Variants in SLC25A4 observed in about 807,000 individuals in gnomAD.
The protein encoded by SLC25A4 is ADP/ATP translocase 1.
Under a neutral mutation model 24.7 loss-of-function variants are expected in SLC25A4, and 10 were observed. The ratio of observed to expected loss-of-function variants is 0.41; its 90% confidence interval spans 0.25 to 0.69. The LOEUF (loss-of-function observed/expected upper bound fraction) is 0.69, where lower values mean the gene tolerates loss of function less well. Among genes scored for constraint, SLC25A4 ranks in the 30% least tolerant of loss-of-function variants. The pLI, the probability that SLC25A4 is intolerant of heterozygous loss-of-function variation, is 0.35. For synonymous variants in SLC25A4, 125 were observed against 153.3 expected (o/e 0.82, Z 1.36); for missense variants, 273 against 387.6 (o/e 0.70, Z 2.48).
At chr4:185,143,595 A>G (rs1471118346) in intron 1 of SLC25A4, 112 bp downstream of exon 1, 2 of 220,970 alleles carry the variant, frequency 9.1e-6, no homozygotes, top group Non-Finnish European at 1.5e-5. Flanking sequence ...GCGCCAGGCC[A>G]CAGGCCCGGG....
At position 185,145,419 on chromosome 4, in the gene SLC25A4, C is replaced by T. The variant is rs994476979; in HGVS notation, c.598+169C>T. 4 of 987,812 alleles carry T rather than the reference C, an allele frequency of 4.0e-6. No homozygotes were observed. The African/African-American group carries it at 6.5e-5, about 16-fold the overall frequency. 61.2% of individuals were successfully genotyped at this position (987,812 alleles called of 1,614,324 possible). ...TGCATAAGTTAATAGCTGAAGCGTT[C>T]CTTGTGTCCTCTACTGAAATAAACT... On this transcript the variant is annotated intron_variant, in intron 2 of 3. Transcript: ENST00000281456. This position sits in a 1 kb window ranked among gnomAD's most constrained non-coding sequence, Gnocchi z 5.5.
At position 185,147,117 on chromosome 4, in the gene SLC25A4, C is replaced by A; in HGVS notation, c.*146C>A. On this transcript the variant is annotated 3_prime_UTR_variant, in exon 4 of 4. Transcript: ENST00000281456. ...TGAAAGGAATACCTCAGAAGAGATG[C>A]TTCATTGAGTGTTCATTAAACCACA... is the stretch of plus-strand genomic sequence containing the variant. 1.5e-6 allele frequency: 1 copy of A among 660,702 alleles called. No individual in the cohort carries two copies. The highest frequency in any genetic ancestry group is 2.6e-6 in the Non-Finnish European group (1 of 383,492). The allele number at this position is 660,702 out of a possible 1,614,324, so 40.9% of individuals were successfully genotyped here.
rs1055343451 is a variant in SLC25A4, at chr4:185,150,119, G to A, written c.*3148G>A. On this transcript the variant is annotated 3_prime_UTR_variant, in exon 4 of 4. Transcript: ENST00000281456. ...CAAGGCGAGCTTATCTTCCACACCT[G>A]GTACAGTGCCCAGGACAGAGAAGGT... 1 of 152,272 alleles carries A rather than the reference G, an allele frequency of 6.6e-6. No individual in the cohort carries two copies. The highest frequency in any genetic ancestry group is 1.5e-5 in the Non-Finnish European group (1 of 68,064). 9.4% of individuals were successfully genotyped at this position (152,272 alleles called of 1,614,324 possible).
chr4:185,144,633 T>A (rs1267268977), intron 1 of SLC25A4, 131 bp from the exon 2 acceptor site: 1 of 801,402 alleles, frequency 1.2e-6, no homozygotes, highest in East Asian at 2.6e-5. Context: ...GTCCTCAGTA[T>A]CCATTTGATT....
rs1164589925 is a variant in SLC25A4, at chr4:185,148,921, C to A, written c.*1950C>A. 1 of 152,306 alleles carries A rather than the reference C, an allele frequency of 6.6e-6. No individual in the cohort carries two copies. The highest frequency in any genetic ancestry group is 2.4e-5 in the African/African-American group (1 of 41,446). The allele number at this position is 152,306 out of a possible 1,614,324, so 9.4% of individuals were successfully genotyped here. Reference sequence around the variant, plus strand: ...TTACCTTGCTTACCAAGCCCTTCCACCGACTCACTCCTGCCTCCCCAGCTA... The same window carrying A: ...TTACCTTGCTTACCAAGCCCTTCCAACGACTCACTCCTGCCTCCCCAGCTA... On this transcript the variant is annotated 3_prime_UTR_variant, in exon 4 of 4. Transcript: ENST00000281456.
At chr4:185,146,096 AGAT>A (rs1033004505) in intron 3 of SLC25A4, among the ~76,000 whole-genome samples, 197 bp downstream of exon 3, 1 of 152,196 alleles carries the variant, frequency 6.6e-6, no homozygotes, top group African/African-American at 2.4e-5. Flanking sequence ...ATTTTATTAG[AGAT>A]GATAAGAACA....
Position 185,143,492 on chromosome 4 carries a change from C to G in SLC25A4, c.111+9C>G, listed in dbSNP as rs1734381553. The stretch of plus-strand genomic sequence containing the variant: ...TCAAACTGCTGCTGCAGGTGAGGAC[C>G]GCGCGGTGCAAGAGGCGGGCGCGGG... On this transcript the variant is annotated intron_variant, in intron 1 of 3. Transcript: ENST00000281456. 7.2e-7 allele frequency: 1 copy of G among 1,387,938 alleles called. No individual in the cohort carries two copies. 86.0% of individuals were successfully genotyped at this position (1,387,938 alleles called of 1,614,324 possible).
At position 185,149,942 on chromosome 4, in the gene SLC25A4, A is replaced by G. The variant is rs139929345; in HGVS notation, c.*2971A>G. The G allele has an allele frequency of 3.3e-5, 5 of 152,362 alleles. No homozygotes were observed. Among genetic ancestry groups the G allele is most frequent in the African/African-American group, 9.6e-5 (4 of 41,574 alleles). 9.4% of individuals were successfully genotyped at this position (152,362 alleles called of 1,614,324 possible). A position where few individuals can be genotyped will look rare whatever the true frequency, so the allele number is the denominator to read the frequency against. On this transcript the variant is annotated 3_prime_UTR_variant, in exon 4 of 4. Transcript: ENST00000281456. Reference sequence around the variant, plus strand: ...AATAATTGGACACTAAAAACAATGAAAACTTGTCTCAAGTATTTGTGTTGA... The same window carrying G: ...AATAATTGGACACTAAAAACAATGAGAACTTGTCTCAAGTATTTGTGTTGA...
Position 185,147,179 on chromosome 4 carries a change from C to A in SLC25A4, c.*208C>A. Reference sequence around the variant, plus strand: ...TATTTATTTTACATTTAAATTCCCACAGCAAATAGAAAATAATTTATCATA... The same window carrying A: ...TATTTATTTTACATTTAAATTCCCAAAGCAAATAGAAAATAATTTATCATA... On this transcript the variant is annotated 3_prime_UTR_variant, in exon 4 of 4. Coordinates refer to ENST00000281456, the MANE Select transcript of SLC25A4 (RefSeq NM_001151.4). The A allele has an allele frequency of 1.9e-6, 1 of 536,264 alleles. No individual in the cohort carries two copies. The highest frequency in any genetic ancestry group is 3.3e-6 in the Non-Finnish European group (1 of 302,558). The allele number at this position is 536,264 out of a possible 1,614,324, so 33.2% of individuals were successfully genotyped here. A position where few individuals can be genotyped will look rare whatever the true frequency, so the allele number is the denominator to read the frequency against.
chr4:185,143,588 C>T (rs1405507555), intron 1 of SLC25A4, 105 bp downstream of exon 1: 1 of 258,350 alleles, frequency 3.9e-6, no homozygotes, highest in African/African-American at 2.3e-5. Flanking sequence ...AAAATCTGCG[C>T]CAGGCCACAG....
In SLC25A4 at chr4:185,149,967, A is replaced by C. The variant is rs2111290661; in HGVS notation, c.*2996A>C. 1 of 152,394 alleles carries C rather than the reference A, an allele frequency of 6.6e-6. No individual in the cohort carries two copies. The highest frequency in any genetic ancestry group is 2.1e-4 in the South Asian group (1 of 4,830). The allele number at this position is 152,394 out of a possible 1,614,324, so 9.4% of individuals were successfully genotyped here. On this transcript the variant is annotated 3_prime_UTR_variant, in exon 4 of 4. Transcript: ENST00000281456. ...AAACTTGTCTCAAGTATTTGTGTTG[A>C]AATCTCAATTAACTGGGCGACTGCT... is the stretch of plus-strand genomic sequence containing the variant.
In SLC25A4 at chr4:185,145,033, C is replaced by T; in HGVS notation, c.381C>T (p.Ser127=). ...LASGGAAGAT[S]LCFVYPLDFA... ...CCGGTGGGGCCGCTGGGGCCACCTC[C>T]CTTTGCTTTGTCTACCCGCTGGACT... Residue 127 remains serine, a synonymous_variant, in exon 2 of 4, where the codon TCC becomes TCT. Coordinates refer to ENST00000281456, the MANE Select transcript of SLC25A4 (RefSeq NM_001151.4). This position sits in a 1 kb window ranked among gnomAD's most constrained non-coding sequence, Gnocchi z 5.5. The T allele has an allele frequency of 6.2e-7, 1 of 1,614,146 alleles. No homozygotes were observed. Among genetic ancestry groups the T allele is most frequent in the Non-Finnish European group, 8.5e-7 (1 of 1,180,028 alleles).
At chr4:185,146,026 A>T (rs1734436318) in intron 3 of SLC25A4, 127 bp downstream of exon 3, 1 of 1,146,664 alleles carries the variant, frequency 8.7e-7, no homozygotes, top group Non-Finnish European at 1.3e-6. Context: ...CTTAGGGAAG[A>T]AAGATGGTAT....
In SLC25A4 at chr4:185,143,303, C is replaced by T. The variant is rs2111283737; in HGVS notation, c.-70C>T. On this transcript the variant is annotated 5_prime_UTR_variant, in exon 1 of 4. Coordinates refer to ENST00000281456, the MANE Select transcript of SLC25A4 (RefSeq NM_001151.4). ...TCGCGCAGGGTCGGGGACTGCGCGG[C>T]GGTGCCAGGCCGGGCGTGGGCGAGA... 3 of 889,168 alleles carry T rather than the reference C, an allele frequency of 3.4e-6. No homozygotes were observed. The highest frequency in any genetic ancestry group is 2.2e-5 in the Admixed American group (1 of 45,266). The allele number at this position is 889,168 out of a possible 1,614,324, so 55.1% of individuals were successfully genotyped here.
At position 185,148,343 on chromosome 4, in the gene SLC25A4, A is replaced by T. The variant is rs957541708; in HGVS notation, c.*1372A>T. On this transcript the variant is annotated 3_prime_UTR_variant, in exon 4 of 4. Transcript: ENST00000281456. ...TTCAACAGATGAATTTTGAAGGGAC[A>T]CAAACATTCAGTCCATAGCATCACT... The T allele has an allele frequency of 1.3e-5, 2 of 152,206 alleles. No individual in the cohort carries two copies. The highest frequency in any genetic ancestry group is 4.8e-5 in the African/African-American group (2 of 41,454). The allele number at this position is 152,206 out of a possible 1,614,324, so 9.4% of individuals were successfully genotyped here.
rs1299078837 is a variant in SLC25A4, at chr4:185,145,311, T to A, written c.598+61T>A. The A allele has an allele frequency of 6.2e-7, 1 of 1,609,992 alleles. No individual in the cohort carries two copies. Among genetic ancestry groups the A allele is most frequent in the South Asian group, 1.1e-5 (1 of 90,728 alleles). Reference sequence around the variant, plus strand: ...TGGAAAGAGGATCCTATGGGATCTATAACTCACAAAGGACCTGATATATAT... The same window carrying A: ...TGGAAAGAGGATCCTATGGGATCTAAAACTCACAAAGGACCTGATATATAT... On this transcript the variant is annotated intron_variant, in intron 2 of 3. Coordinates refer to ENST00000281456, the MANE Select transcript of SLC25A4 (RefSeq NM_001151.4). The surrounding 1 kb of genome is among the most constrained non-coding windows in gnomAD (Gnocchi z 5.5).
intron 1 of SLC25A4, among the ~76,000 whole-genome samples, chr4:185,144,206 G>T (rs1162902154): frequency 6.6e-6 from 1 of 152,104 alleles, no homozygotes; most frequent in Non-Finnish European, 1.5e-5. Context: ...GCTCACAACG[G>T]CAGCAAACCC....
chr4:185,144,612 T>TC (rs1285376629), intron 1 of SLC25A4, 152 bp from the exon 2 acceptor site: 1 of 701,516 alleles, frequency 1.4e-6, no homozygotes, highest in African/African-American at 1.8e-5. Context: ...GATAACAGTA[T>TC]CCATTTACAC....
chr4:185,143,313 C>A lies in SLC25A4; in HGVS notation c.-60C>A. On this transcript the variant is annotated 5_prime_UTR_variant, in exon 1 of 4. Coordinates refer to ENST00000281456, the MANE Select transcript of SLC25A4 (RefSeq NM_001151.4). ...TCGGGGACTGCGCGGCGGTGCCAGG[C>A]CGGGCGTGGGCGAGAGCACGAACGG... is the stretch of plus-strand genomic sequence containing the variant. 3.9e-6 allele frequency: 4 copies of A among 1,033,788 alleles called. No homozygotes were observed. The highest frequency in any genetic ancestry group is 1.7e-5 in the African/African-American group (1 of 60,314). 64.0% of individuals were successfully genotyped at this position (1,033,788 alleles called of 1,614,324 possible). A position where few individuals can be genotyped will look rare whatever the true frequency, so the allele number is the denominator to read the frequency against.
Sources: gnomAD v4.1 joint callset for allele counts (sites outside exome capture counted in the v4.1 genomes callset) on GRCh38, gnomAD v4.1.1 for gene constraint, Gnocchi (gnomAD v3.1) non-coding constraint, MANE v1.5 for transcripts, NCBI Gene and HGNC (gene_info 2026-07-23, HGNC 2026-07-21) for gene names.